The following CDH13 variants were observed in gnomAD, a reference collection of about 807,000 sequenced individuals.
CDH13 encodes the protein cadherin 13, also known as cadherin-13.
A neutral mutation model predicts 63.8 loss-of-function variants in CDH13; 24 were observed. The observed-to-expected ratio is 0.38, with a 90% CI of 0.27 to 0.53. The LOEUF (loss-of-function observed/expected upper bound fraction) is 0.53. Among genes scored for constraint, CDH13 ranks in the 20% least tolerant of loss-of-function variants. The pLI is 0.85. For synonymous variants in CDH13, 503 were observed against 355.3 expected (o/e 1.42, Z -4.67); for missense variants, 1,049 against 903.1 (o/e 1.16, Z -2.07).
intron 5 of CDH13, among the ~76,000 whole-genome samples, chr16:83,292,020 T>G (rs2089478038): frequency 6.6e-6 from 1 of 152,210 alleles, no homozygotes; most frequent in African/African-American, 2.4e-5. Context: ...TGTAATGTCC[T>G]TGAGGTATCA....
At chr16:83,015,301 C>G (rs1184368171) in intron 2 of CDH13, among the ~76,000 whole-genome samples, 1 of 151,458 alleles carries the variant, frequency 6.6e-6, no homozygotes, top group South Asian at 2.1e-4. Flanking sequence ...AAAGACTATC[C>G]ACTGAGAAAT....
intron 5 of CDH13, among the ~76,000 whole-genome samples, chr16:83,277,346 G>A (rs563215701): frequency 6.6e-6 from 1 of 152,308 alleles, no homozygotes; most frequent in East Asian, 1.9e-4. Flanking sequence ...AGTATGGGGA[G>A]TTTATTAAAA....
At chr16:83,117,127 AT>A (rs2035342445) in intron 3 of CDH13, among the ~76,000 whole-genome samples, 1 of 152,140 alleles carries the variant, frequency 6.6e-6, no homozygotes, top group Admixed American at 6.5e-5. Context: ...AGCAGCTATG[AT>A]CTGTTTTATT....
At chr16:83,390,284 T>C (rs2091760928) in intron 6 of CDH13, among the ~76,000 whole-genome samples, 1 of 152,100 alleles carries the variant, frequency 6.6e-6, no homozygotes, top group Non-Finnish European at 1.5e-5. Context: ...GCTTTCCTAG[T>C]ATGGCCTGTG....
intron 2 of CDH13, among the ~76,000 whole-genome samples, chr16:82,934,666 A>G (rs1407994737): frequency 6.6e-6 from 1 of 152,160 alleles, no homozygotes; most frequent in African/African-American, 2.4e-5. Context: ...GCTGCTTAGA[A>G]ATTTCTTCCA....
At chr16:82,722,077 G>T (rs1274235881) in intron 1 of CDH13, among the ~76,000 whole-genome samples, 2 of 152,130 alleles carry the variant, frequency 1.3e-5, no homozygotes, top group Non-Finnish European at 2.9e-5. Flanking sequence ...GGTTTGGATG[G>T]AAACACAACA....
chr16:83,707,561 A>C (rs1051336801), intron 10 of CDH13, among the ~76,000 whole-genome samples: 4 of 152,138 alleles, frequency 2.6e-5, no homozygotes, highest in Non-Finnish European at 5.9e-5. Context: ...TTTAAAACAA[A>C]TATTATTGAA....
intron 6 of CDH13, among the ~76,000 whole-genome samples, chr16:83,368,981 C>G (rs79737242): frequency 0.15 from 20,591 of 133,404 alleles, 2,440 homozygotes; most frequent in African/African-American, 0.31. Context: ...GGCACTTGGC[C>G]TGGTTCCATG....
chr16:83,654,112 G>C (rs1439163728), intron 8 of CDH13, among the ~76,000 whole-genome samples: 1 of 152,060 alleles, frequency 6.6e-6, no homozygotes, highest in Non-Finnish European at 1.5e-5. Context: ...GATGGATGGA[G>C]GATAAAAGTG....
intron 6 of CDH13, among the ~76,000 whole-genome samples, chr16:83,443,973 G>A (rs1323825149): frequency 6.7e-6 from 1 of 150,266 alleles, no homozygotes; most frequent in African/African-American, 2.4e-5. Context: ...ATAGAGTCAG[G>A]TGATGGTGTT....
intron 1 of CDH13, among the ~76,000 whole-genome samples, chr16:82,711,076 G>A (rs938569741): frequency 3.3e-5 from 5 of 151,890 alleles, no homozygotes; most frequent in African/African-American, 9.7e-5. Flanking sequence ...TGCCCGGACC[G>A]CATTATGTCT....
intron 4 of CDH13, among the ~76,000 whole-genome samples, chr16:83,196,012 T>G (rs951668239): frequency 1.8e-4 from 27 of 152,082 alleles, no homozygotes; most frequent in African/African-American, 6.0e-4. Flanking sequence ...TCCCAGCACT[T>G]TGGGAGGCCG....
intron 9 of CDH13, among the ~76,000 whole-genome samples, chr16:83,673,832 G>A (rs1423683102): frequency 2.6e-5 from 4 of 152,228 alleles, no homozygotes; most frequent in Non-Finnish European, 5.9e-5. Flanking sequence ...TGGCCTTAGG[G>A]GAAGCAGTTT....
chr16:82,819,245 A>G (rs2037878978), intron 1 of CDH13, among the ~76,000 whole-genome samples: 1 of 152,216 alleles, frequency 6.6e-6, no homozygotes, highest in African/African-American at 2.4e-5. Flanking sequence ...ATCGGATAAC[A>G]TATTTTAGCC....
chr16:83,083,265 G>A (rs1011915146), intron 3 of CDH13, among the ~76,000 whole-genome samples: 1 of 152,162 alleles, frequency 6.6e-6, no homozygotes, highest in Non-Finnish European at 1.5e-5. Flanking sequence ...GTTTTTATGT[G>A]TAGTCACTGT....
At chr16:83,245,172 T>C (rs1037837680) in intron 5 of CDH13, among the ~76,000 whole-genome samples, 4 of 151,980 alleles carry the variant, frequency 2.6e-5, no homozygotes, top group Non-Finnish European at 5.9e-5. Flanking sequence ...AATCAACCAA[T>C]TTTAAGCTGC....
At chr16:83,554,971 GATGCTTCCTGAGGCCACCCCTGTGCCAC>G (rs1475829015) in intron 7 of CDH13, among the ~76,000 whole-genome samples, 1 of 135,454 alleles carries the variant, frequency 7.4e-6, no homozygotes, top group Non-Finnish European at 1.5e-5. Context: ...TATTTAGGTT[GATGCTTCCTGAGGCCACCCCTGTGCCAC>G]ACAGACAGAA....
chr16:83,541,920 T>A (rs1328094828), intron 7 of CDH13, among the ~76,000 whole-genome samples: 1 of 152,224 alleles, frequency 6.6e-6, no homozygotes, highest in East Asian at 1.9e-4. Flanking sequence ...GTGTCTTTCT[T>A]ATCCATCATT....
intron 10 of CDH13, among the ~76,000 whole-genome samples, chr16:83,707,836 C>CAAAAAGAAAAAAA (rs1907339547): frequency 1.3e-5 from 1 of 78,902 alleles, no homozygotes; most frequent in Non-Finnish European, 2.3e-5. Context: ...ACCCTAAAGG[C>CAAAAAGAAAAAAA]AAAAAAAAAA....
Sources: gnomAD v4.1 joint callset for allele counts (sites outside exome capture counted in the v4.1 genomes callset) on GRCh38, gnomAD v4.1.1 for gene constraint, MANE v1.5 for transcripts, NCBI Gene and HGNC (gene_info 2026-07-23, HGNC 2026-07-21) for gene names.